CNTN3: variants seen among roughly 807,000 people sequenced by gnomAD.
CNTN3 encodes contactin-3.
In CNTN3, 60 loss-of-function variants were observed where a neutral mutation model predicts 119.1. That is an observed-to-expected ratio of 0.50 (90% CI 0.41 to 0.62). The LOEUF is 0.62. CNTN3 is among the 20% of genes least tolerant of loss of function. The pLI is 0.00. For missense variants in CNTN3, 1,101 were observed against 1,242.4 expected (o/e 0.89, Z 1.71); for synonymous variants, 450 against 438.7 (o/e 1.03, Z -0.32).
intron 4 of CNTN3, among the ~76,000 whole-genome samples, chr3:74,476,391 C>T (rs923154832): frequency 3.9e-5 from 6 of 152,142 alleles, no homozygotes; most frequent in African/African-American, 1.4e-4. Context: ...ACAGTTCTCA[C>T]TTTGGTATAG....
At position 74,299,901 on chromosome 3, in the gene CNTN3, G is replaced by A. The variant is rs576406422; in HGVS notation, c.2133C>T (p.Gly711=). The change falls in exon 17 of 23, where the codon GGC becomes GGT. Residue 711 remains glycine (G), a synonymous_variant. Transcript: ENST00000263665. ...EVPPSEVNGG[G]GSRSELVITW... The stretch of plus-strand genomic sequence containing the variant: ...TTATCACAAGTTCAGACCGGCTTCC[G>A]CCTCCTCCATTGACTTCAGAAGGAG... 3.0e-5 allele frequency: 48 copies of A among 1,605,200 alleles called. No homozygotes were observed. The East Asian group carries it at 6.5e-4, about 22-fold the overall frequency.
chr3:74,418,342 C>T (rs966087183), intron 5 of CNTN3, among the ~76,000 whole-genome samples: 3 of 99,632 alleles, frequency 3.0e-5, no homozygotes, highest in African/African-American at 1.2e-4. Flanking sequence ...AAACATATTC[C>T]TTTTTTTTTT....
intron 13 of CNTN3, among the ~76,000 whole-genome samples, chr3:74,316,240 CA>C (rs1263216323): frequency 3.6e-4 from 55 of 152,214 alleles, no homozygotes; most frequent in African/African-American, 1.3e-3. Context: ...AAAAAATGCT[CA>C]TCATCACTAA....
At chr3:74,310,104 T>A (rs1366318149) in intron 13 of CNTN3, among the ~76,000 whole-genome samples, 1 of 152,210 alleles carries the variant, frequency 6.6e-6, no homozygotes. Context: ...TTGAGTAAAG[T>A]TTAACTTGTG....
chr3:74,538,625 T>C (rs775078642), intron 1 of CNTN3, among the ~76,000 whole-genome samples: 1 of 152,162 alleles, frequency 6.6e-6, no homozygotes, highest in Non-Finnish European at 1.5e-5. Context: ...TAAATAAAGG[T>C]TGTTATCATT....
chr3:74,464,076 T>C (rs529627003), intron 4 of CNTN3, among the ~76,000 whole-genome samples: 1 of 152,228 alleles, frequency 6.6e-6, no homozygotes, highest in East Asian at 1.9e-4. Flanking sequence ...ATCTATGCAG[T>C]AGTTAAAGCA....
At chr3:74,452,967 C>A (rs1387627903) in intron 4 of CNTN3, among the ~76,000 whole-genome samples, 3 of 151,192 alleles carry the variant, frequency 2.0e-5, no homozygotes, top group Non-Finnish European at 4.4e-5. Context: ...GGATATTGGT[C>A]TAAAATTCTC....
intron 20 of CNTN3, among the ~76,000 whole-genome samples, chr3:74,270,315 A>G (rs1262207869): frequency 6.6e-6 from 1 of 152,172 alleles, no homozygotes; most frequent in Non-Finnish European, 1.5e-5. Context: ...CAGCCATAAA[A>G]GTCATTGAAG....
chr3:74,516,204 C>CTCCTCTAGAAACTAAAGACAACATGTT (rs1559642101), intron 2 of CNTN3, among the ~76,000 whole-genome samples: 1 of 150,510 alleles, frequency 6.6e-6, no homozygotes, highest in African/African-American at 2.5e-5. Context: ...ACAACATGGG[C>CTCCTCTAGAAACTAAAGACAACATGTT]AGGCCTGGAA....
chr3:74,579,961 T>C (rs895990122), intron 1 of CNTN3, among the ~76,000 whole-genome samples: 1 of 152,054 alleles, frequency 6.6e-6, no homozygotes, highest in Non-Finnish European at 1.5e-5. Context: ...TGAATATATA[T>C]ATAAGTAGAA....
At chr3:74,286,864 T>C (rs1281168065) in intron 19 of CNTN3, among the ~76,000 whole-genome samples, 1 of 152,132 alleles carries the variant, frequency 6.6e-6, no homozygotes, top group African/African-American at 2.4e-5. Context: ...TATGCCTTGG[T>C]TTGCCAGTGA....
At chr3:74,297,851 T>A in intron 18 of CNTN3, 106 bp downstream of exon 18, 1 of 795,322 alleles carries the variant, frequency 1.3e-6, no homozygotes, top group Non-Finnish European at 2.0e-6. Flanking sequence ...GGATGATTGT[T>A]CTTTGGAATA....
At chr3:74,354,886 G>A (rs375114260) in intron 11 of CNTN3, among the ~76,000 whole-genome samples, 9 of 152,178 alleles carry the variant, frequency 5.9e-5, no homozygotes, top group African/African-American at 2.2e-4. Context: ...CTGATAACTT[G>A]TATGTACGAG....
intron 4 of CNTN3, among the ~76,000 whole-genome samples, chr3:74,476,265 A>T (rs1702653304): frequency 6.6e-6 from 1 of 152,210 alleles, no homozygotes; most frequent in African/African-American, 2.4e-5. Context: ...CTTAGGAGCA[A>T]TAGTTCAGTA....
At chr3:74,415,978 G>T (rs1350342486) in intron 5 of CNTN3, among the ~76,000 whole-genome samples, 1 of 152,188 alleles carries the variant, frequency 6.6e-6, no homozygotes, top group Non-Finnish European at 1.5e-5. Flanking sequence ...GAATGTGCTG[G>T]CTGGGCCCCT....
intron 11 of CNTN3, among the ~76,000 whole-genome samples, chr3:74,338,974 A>G (rs1703464107): frequency 6.6e-6 from 1 of 152,142 alleles, no homozygotes; most frequent in African/African-American, 2.4e-5. Flanking sequence ...AATGCCTCCC[A>G]TAACTTTACT....
At chr3:74,305,894 C>T (rs990207987) in intron 13 of CNTN3, among the ~76,000 whole-genome samples, 1 of 151,632 alleles carries the variant, frequency 6.6e-6, no homozygotes, top group Non-Finnish European at 1.5e-5. Flanking sequence ...CACAACTATA[C>T]CCCTAAATGC....
At chr3:74,549,796 G>C (rs375818612) in intron 1 of CNTN3, among the ~76,000 whole-genome samples, 6 of 152,154 alleles carry the variant, frequency 3.9e-5, no homozygotes, top group African/African-American at 7.2e-5. Flanking sequence ...CCTGACAGAC[G>C]CTATGGTATT....
At chr3:74,268,411 T>TA (rs1430804662) in intron 20 of CNTN3, among the ~76,000 whole-genome samples, 1 of 152,168 alleles carries the variant, frequency 6.6e-6, no homozygotes, top group Admixed American at 6.6e-5. Context: ...AAAAATGATA[T>TA]AAAACATTAG....
Sources: gnomAD v4.1 joint callset for allele counts (sites outside exome capture counted in the v4.1 genomes callset) on GRCh38, gnomAD v4.1.1 for gene constraint, MANE v1.5 for transcripts, NCBI Gene and HGNC (gene_info 2026-07-23, HGNC 2026-07-21) for gene names.